Variants in ADI1 observed in about 807,000 individuals in gnomAD.
The protein encoded by ADI1 is acireductone dioxygenase.
A neutral mutation model predicts 18.7 loss-of-function variants in ADI1; 21 were observed. The ratio of observed to expected loss-of-function variants is 1.13; its 90% CI spans 0.80 to 1.62. The LOEUF (loss-of-function observed/expected upper bound fraction) is 1.62. Among genes scored for constraint, ADI1 ranks in the 40% most tolerant of loss-of-function variants. ADI1 has a pLI of 0.00. For missense variants in ADI1, 245 were observed against 254.9 expected (o/e 0.96, Z 0.26); for synonymous variants, 90 against 100.1 (o/e 0.90, Z 0.60).
At chr2:3,518,738 T>C (rs539709685) in intron 1 of ADI1, among the ~76,000 whole-genome samples, 10 of 152,084 alleles carry the variant, frequency 6.6e-5, no homozygotes, top group Admixed American at 3.9e-4. Flanking sequence ...CTTCCTCCGA[T>C]AGAAGAAACC....
chr2:3,500,539 A>G, intron 3 of ADI1: 1 of 429,134 alleles, frequency 2.3e-6, no homozygotes, highest in Non-Finnish European at 3.9e-6. Flanking sequence ...CGCCGCATGT[A>G]CCTGCCGCCG....
intron 2 of ADI1, among the ~76,000 whole-genome samples, chr2:3,510,399 C>A (rs989309387): frequency 6.6e-6 from 1 of 151,954 alleles, no homozygotes; most frequent in Admixed American, 6.6e-5. Context: ...AACTAGGGAA[C>A]TTAGAAAAAA....
chr2:3,503,621 G>A (rs1667098467), intron 2 of ADI1, among the ~76,000 whole-genome samples: 1 of 152,186 alleles, frequency 6.6e-6, no homozygotes, highest in South Asian at 2.1e-4. Flanking sequence ...GACTCTGCAG[G>A]GCACTCCCAT....
intron 2 of ADI1, among the ~76,000 whole-genome samples, chr2:3,501,501 T>G (rs1313943017): frequency 2.0e-5 from 3 of 152,056 alleles, no homozygotes; most frequent in Non-Finnish European, 4.4e-5. Context: ...AGGCACAGAC[T>G]CCACAAGCAT....
chr2:3,506,740 C>G (rs536582250), intron 2 of ADI1, among the ~76,000 whole-genome samples: 1 of 152,160 alleles, frequency 6.6e-6, no homozygotes, highest in African/African-American at 2.4e-5. Flanking sequence ...ATACCCAACA[C>G]AATATTGAAG....
chr2:3,497,984 G>T lies in ADI1; in HGVS notation c.*979C>A, dbSNP rs1238052008. On this transcript the variant is annotated 3_prime_UTR_variant, in exon 4 of 4. Transcript: ENST00000327435. ...ACACTTGACAGAAGCAAGCCCTGCG[G>T]TATATGGCATCATCACACCACCGGT... 1.3e-5 allele frequency: 2 copies of T among 152,080 alleles called. No homozygotes were observed. Among genetic ancestry groups the T allele is most frequent in the African/African-American group, 4.8e-5 (2 of 41,390 alleles). The allele number at this position is 152,080 out of a possible 1,614,324, so 9.4% of individuals were successfully genotyped here.
chr2:3,514,054 A>G (rs772963184), intron 1 of ADI1, 78 bp from the exon 2 acceptor site: 7 of 1,470,356 alleles, frequency 4.8e-6, no homozygotes, highest in Non-Finnish European at 6.3e-6. Context: ...TGGATCTCCA[A>G]TATGATTTTA....
At position 3,503,269 on chromosome 2, in the gene ADI1, T is replaced by C. The variant is rs566905252; in HGVS notation, c.241-2276A>G. The stretch of plus-strand genomic sequence containing the variant: ...TCACACACATGCACACACGTAACAC[T>C]CACTCATGTGCATTCACACACATGC... On this transcript the variant is annotated intron_variant, in intron 2 of 3. Coordinates refer to ENST00000327435, the MANE Select transcript of ADI1 (RefSeq NM_018269.4). 9.7e-5 allele frequency among the ~76,000 whole-genome samples: 13 copies of C among 133,972 alleles called. 4 individuals carry two copies. Among genetic ancestry groups the C allele is most frequent in the Middle Eastern group, 4.3e-3 (1 of 230 alleles). 87.9% of individuals were successfully genotyped at this position (133,972 alleles called of 152,430 possible). A position where few individuals can be genotyped will look rare whatever the true frequency, so the allele number is the denominator to read the frequency against.
intron 2 of ADI1, among the ~76,000 whole-genome samples, chr2:3,502,669 C>T (rs1042009067): frequency 2.6e-5 from 4 of 152,086 alleles, no homozygotes; most frequent in Non-Finnish European, 4.4e-5. Flanking sequence ...AGGCTGGCCT[C>T]GAACTCTCGT....
intron 1 of ADI1, 50 bp downstream of exon 1, chr2:3,519,317 GT>G: frequency 7.4e-7 from 1 of 1,346,580 alleles, no homozygotes. Context: ...TGTGCGCGGC[GT>G]TTGGGGGTCG....
Position 3,502,041 on chromosome 2 carries a change from A to AT in ADI1, c.241-1049_241-1048insA, listed in dbSNP as rs764119282. On this transcript the variant is annotated intron_variant, in intron 2 of 3. Coordinates refer to ENST00000327435, the MANE Select transcript of ADI1 (RefSeq NM_018269.4). ...CACACACACACACACACACACACAC[A>AT]CAGAGACAGGGTTTCACTCTGTTGC... Among the ~76,000 whole-genome samples the AT allele has an allele frequency of 0.014, 648 of 47,226 alleles. 8 individuals are homozygous for AT. The African/African-American group carries it at 0.16, about 12-fold the overall frequency. 31.0% of individuals were successfully genotyped at this position (47,226 alleles called of 152,430 possible).
At chr2:3,501,805 G>C (rs1413579916) in intron 2 of ADI1, among the ~76,000 whole-genome samples, 1 of 152,102 alleles carries the variant, frequency 6.6e-6, no homozygotes, top group East Asian at 1.9e-4. Flanking sequence ...TGGGATTCCA[G>C]GTGGAAGCCA....
chr2:3,502,422 C>T (rs1365272385), intron 2 of ADI1, among the ~76,000 whole-genome samples: 2 of 149,394 alleles, frequency 1.3e-5, no homozygotes, highest in Non-Finnish European at 3.0e-5. Context: ...CATAGCCACA[C>T]AGAAAGAAAA....
chr2:3,509,976 T>C (rs140857636), intron 2 of ADI1, among the ~76,000 whole-genome samples: 4,079 of 151,948 alleles, frequency 0.027, 194 homozygotes, highest in African/African-American at 0.094. Flanking sequence ...AAACCCCGTA[T>C]CTACTAAAAA....
At chr2:3,512,094 A>C (rs896226918) in intron 2 of ADI1, among the ~76,000 whole-genome samples, 1 of 152,248 alleles carries the variant, frequency 6.6e-6, no homozygotes, top group African/African-American at 2.4e-5. Flanking sequence ...TTAAAAGGGA[A>C]GCAGAGCAGA....
intron 2 of ADI1, among the ~76,000 whole-genome samples, chr2:3,507,521 C>T (rs574091808): frequency 2.4e-4 from 37 of 151,686 alleles, no homozygotes; most frequent in African/African-American, 8.4e-4. Flanking sequence ...AAAAAAAAAA[C>T]TACCAACCTA....
intron 2 of ADI1, among the ~76,000 whole-genome samples, chr2:3,506,270 C>T (rs1344573671): frequency 6.6e-6 from 1 of 152,200 alleles, no homozygotes; most frequent in African/African-American, 2.4e-5. Flanking sequence ...CCTTTGCTCG[C>T]AGATGGTATC....
chr2:3,508,330 G>GT lies in ADI1; in HGVS notation c.240+5526dup, dbSNP rs2070182460. Among the ~76,000 whole-genome samples, 5 of 52,640 alleles carry GT rather than the reference G, an allele frequency of 9.5e-5. No individual in the cohort carries two copies. In the South Asian group the frequency reaches 4.0e-3, roughly 42 times the overall value. The allele number at this position is 52,640 out of a possible 152,430, so 34.5% of individuals were successfully genotyped here. A position where few individuals can be genotyped will look rare whatever the true frequency, so the allele number is the denominator to read the frequency against. The stretch of plus-strand genomic sequence containing the variant: ...AGCCTGGGCAACAGAGTGAGACTCT[G>GT]TCTCAAAAAAAAAAAAAAAAAAAAA... On this transcript the variant is annotated intron_variant, in intron 2 of 3. Transcript: ENST00000327435.
At chr2:3,514,916 G>A in intron 1 of ADI1, 1 of 1,520,940 alleles carries the variant, frequency 6.6e-7, no homozygotes, top group African/African-American at 1.4e-5. Flanking sequence ...ACATCTATCA[G>A]TTCTCAAATA....
Sources: gnomAD v4.1 joint callset for allele counts (sites outside exome capture counted in the v4.1 genomes callset) on GRCh38, gnomAD v4.1.1 for gene constraint, MANE v1.5 for transcripts, NCBI Gene and HGNC (gene_info 2026-07-23, HGNC 2026-07-21) for gene names.